Variants in NUP153 observed in about 807,000 individuals in gnomAD.
The protein encoded by NUP153 is nucleoporin 153.
Under a neutral mutation model 134.6 loss-of-function variants are expected in NUP153, and 27 were observed. That is an observed-to-expected ratio of 0.20 (90% confidence interval 0.15 to 0.28). The LOEUF (loss-of-function observed/expected upper bound fraction) is 0.28, where lower values mean the gene tolerates loss of function less well. NUP153 is among the 10% of genes least tolerant of loss of function. The probability of loss-of-function intolerance (pLI) is 1.00; values close to 1 mark genes in which losing one functional copy is unlikely to be tolerated. For missense variants in NUP153, 1,821 were observed against 1,731.3 expected, an observed-to-expected ratio of 1.05 and a Z score of -0.92; for synonymous variants, 640 against 623.5, an observed-to-expected ratio of 1.03 and a Z score of -0.40.
chr6:17,652,546 AAAG>A lies in NUP153; in HGVS notation c.1396-3249_1396-3247del, dbSNP rs200479559. On this transcript the variant is annotated intron_variant, in intron 11 of 21. Transcript: ENST00000262077. ...GATAGGCAAAATTTTCTTAGGACAC[AAAG>A]AAGAATAAAAATATTAGAAAAAAAA... is the stretch of plus-strand genomic sequence containing the variant. Among the ~76,000 whole-genome samples, 10 of 152,296 alleles carry A rather than the reference AAAG, an allele frequency of 6.6e-5. 1 individual carries two copies. The East Asian group carries it at 1.5e-3, about 23-fold the overall frequency.
At chr6:17,704,291 C>CAA (rs377303845) in intron 1 of NUP153, among the ~76,000 whole-genome samples, 15 of 96,408 alleles carry the variant, frequency 1.6e-4, no homozygotes, top group Admixed American at 1.1e-3. Context: ...GACTCCGTCT[C>CAA]AAAAAAAAAA....
At chr6:17,686,063 G>A (rs562585865) in intron 2 of NUP153, among the ~76,000 whole-genome samples, 8 of 152,168 alleles carry the variant, frequency 5.3e-5, no homozygotes, top group African/African-American at 1.2e-4. Context: ...TGGGAGGATC[G>A]CTTGAGCCTG....
chr6:17,689,733 C>G (rs1486991481), intron 1 of NUP153, among the ~76,000 whole-genome samples: 1 of 151,888 alleles, frequency 6.6e-6, no homozygotes, highest in Admixed American at 6.6e-5. Context: ...CCATGTTGGT[C>G]AGGCTGGCCT....
rs763230597 is a variant in NUP153, at chr6:17,637,373, C to T, written c.2244G>A (p.Pro748=). 59 of 1,614,076 alleles carry T rather than the reference C, an allele frequency of 3.7e-5. No individual in the cohort carries two copies. Among genetic ancestry groups the T allele is most frequent in the African/African-American group, 1.5e-4 (11 of 74,928 alleles). The change falls in exon 16 of 22, where the codon CCG becomes CCA. Residue 748 remains proline (P), a synonymous_variant. Coordinates refer to ENST00000262077, the MANE Select transcript of NUP153 (RefSeq NM_005124.4). ...CTCGCTTCACACAAGTTCCAGGTTT[C>T]GGTGTTTCACAGGCTACACATTTTA... ...EAIKCVACET[P]KPGTCVKRAL... is the part of the protein sequence containing the mutation.
intron 1 of NUP153, among the ~76,000 whole-genome samples, chr6:17,694,660 A>G (rs1006980564): frequency 6.6e-6 from 1 of 150,796 alleles, no homozygotes; most frequent in Non-Finnish European, 1.5e-5. Context: ...CCGTCTCACA[A>G]AAAAGAAAAG....
intron 15 of NUP153, among the ~76,000 whole-genome samples, chr6:17,637,973 C>T (rs1765647647): frequency 6.6e-6 from 1 of 152,180 alleles, no homozygotes; most frequent in Non-Finnish European, 1.5e-5. Context: ...TAAAATTCTA[C>T]AAAAGATGTT....
In NUP153 at chr6:17,675,097, G is replaced by C; in HGVS notation, c.724-64C>G. 6.3e-7 allele frequency: 1 copy of C among 1,585,066 alleles called. No individual in the cohort carries two copies. Among genetic ancestry groups the C allele is most frequent in the Non-Finnish European group, 8.6e-7 (1 of 1,160,214 alleles). Reference sequence around the variant, plus strand: ...ACCCAGGAGGTGGAGGTTGCAGTGAGTTAAGATCATGCTGCTACACACTCA... The same window carrying C: ...ACCCAGGAGGTGGAGGTTGCAGTGACTTAAGATCATGCTGCTACACACTCA... On this transcript the variant is annotated intron_variant, in intron 4 of 21. Coordinates refer to ENST00000262077, the MANE Select transcript of NUP153 (RefSeq NM_005124.4). The surrounding 1 kb of genome is among the most constrained non-coding windows in gnomAD (Gnocchi z 4.4).
chr6:17,667,779 TATAA>T (rs1479459721), intron 8 of NUP153, among the ~76,000 whole-genome samples: 1 of 152,172 alleles, frequency 6.6e-6, no homozygotes, highest in East Asian at 1.9e-4. Flanking sequence ...CTTAACCAGC[TATAA>T]ATAAACTAAC....
At chr6:17,662,838 TCAGA>T (rs952922531) in intron 9 of NUP153, among the ~76,000 whole-genome samples, 11 of 152,026 alleles carry the variant, frequency 7.2e-5, no homozygotes, top group African/African-American at 2.7e-4. Context: ...TGAGGAAACA[TCAGA>T]CAATCATAAA....
intron 11 of NUP153, among the ~76,000 whole-genome samples, chr6:17,657,394 A>AT (rs1561880684): frequency 1.0e-5 from 1 of 99,828 alleles, no homozygotes; most frequent in Non-Finnish European, 2.4e-5. Flanking sequence ...ATAAAAAAAT[A>AT]AAAAAATAAA....
At chr6:17,662,622 T>C (rs1361123053) in intron 9 of NUP153, among the ~76,000 whole-genome samples, 1 of 152,152 alleles carries the variant, frequency 6.6e-6, no homozygotes, top group East Asian at 1.9e-4. Flanking sequence ...AATTGGGAAG[T>C]TTCCTTCCCA....
chr6:17,656,472 TG>T (rs1020041573), intron 11 of NUP153, among the ~76,000 whole-genome samples: 15 of 152,082 alleles, frequency 9.9e-5, no homozygotes, highest in Non-Finnish European at 2.2e-4. Context: ...TCTCCCCAGC[TG>T]GGGTGATCCT....
rs1373908965 is a variant in NUP153 at position 17,625,617 on chromosome 6, A to G, written c.3901+191T>C. Among the ~76,000 whole-genome samples the G allele has an allele frequency of 1.3e-5, 2 of 152,220 alleles. No homozygotes were observed. Among genetic ancestry groups the G allele is most frequent in the East Asian group, 3.8e-4 (2 of 5,198 alleles). Reference sequence around the variant, plus strand: ...TAGAAAAATTGCTCCCAAGAGGTAAATATGTTAAAGTTGAACACAGAGAGT... The same window carrying G: ...TAGAAAAATTGCTCCCAAGAGGTAAGTATGTTAAAGTTGAACACAGAGAGT... On this transcript the variant is annotated intron_variant, in intron 19 of 21. Transcript: ENST00000262077. The surrounding 1 kb of genome is among the most constrained non-coding windows in gnomAD (Gnocchi z 4.7).
At chr6:17,634,109 C>G (rs978994835) in intron 16 of NUP153, among the ~76,000 whole-genome samples, 6 of 152,110 alleles carry the variant, frequency 3.9e-5, no homozygotes, top group East Asian at 1.9e-4. Context: ...TTCATGAACC[C>G]CCCCCATTAC....
chr6:17,659,863 G>C (rs1251810825), intron 11 of NUP153, among the ~76,000 whole-genome samples: 1 of 152,122 alleles, frequency 6.6e-6, no homozygotes, highest in Non-Finnish European at 1.5e-5. Flanking sequence ...TATACTGTTT[G>C]TATGATCAAT....
In NUP153 at chr6:17,636,780, T is replaced by C. The variant is rs189589251; in HGVS notation, c.2464+373A>G. 3.4e-4 allele frequency among the ~76,000 whole-genome samples: 52 copies of C among 152,314 alleles called. No homozygotes were observed. The East Asian group carries it at 7.3e-3, about 21-fold the overall frequency. On this transcript the variant is annotated intron_variant, in intron 16 of 21. Transcript: ENST00000262077. Reference sequence around the variant, plus strand: ...CTACCCCCTAAAGAAACCTTCCCTGTAAATGACCACTAGCTATCCTGATTT... The same window carrying C: ...CTACCCCCTAAAGAAACCTTCCCTGCAAATGACCACTAGCTATCCTGATTT...
chr6:17,641,626 G>A (rs1581691003), intron 14 of NUP153, among the ~76,000 whole-genome samples: 1 of 152,196 alleles, frequency 6.6e-6, no homozygotes, highest in Non-Finnish European at 1.5e-5. Context: ...GGCTGAGGCA[G>A]GCAGATCACG....
At chr6:17,691,536 T>G (rs2113854224) in intron 1 of NUP153, among the ~76,000 whole-genome samples, 1 of 152,252 alleles carries the variant, frequency 6.6e-6, no homozygotes, top group Admixed American at 6.5e-5. Flanking sequence ...AGGCCGAGTC[T>G]GGTGGATCAC....
chr6:17,633,492 T>C (rs1205965987), intron 16 of NUP153, among the ~76,000 whole-genome samples: 2 of 152,180 alleles, frequency 1.3e-5, no homozygotes, highest in African/African-American at 2.4e-5. Context: ...ACATTAAAGA[T>C]GAATAAAATG....
Sources: gnomAD v4.1 joint callset for allele counts (sites outside exome capture counted in the v4.1 genomes callset) on GRCh38, gnomAD v4.1.1 for gene constraint, Gnocchi (gnomAD v3.1) non-coding constraint, MANE v1.5 for transcripts, NCBI Gene and HGNC (gene_info 2026-07-23, HGNC 2026-07-21) for gene names.